The following FAM163A variants were observed in gnomAD, a reference collection of about 807,000 sequenced individuals.
FAM163A encodes protein FAM163A.
Under a neutral mutation model 12.0 loss-of-function variants are expected in FAM163A, and 7 were observed. The observed-to-expected ratio is 0.58, with a 90% CI of 0.33 to 1.10. The LOEUF is 1.10. Among genes scored for constraint, FAM163A ranks in the 50% least tolerant of loss-of-function variants. The pLI is 0.03. For synonymous variants in FAM163A, 101 were observed against 91.0 expected (o/e 1.11, Z -0.62); for missense variants, 202 against 218.6 (o/e 0.92, Z 0.48).
At chr1:179,744,808 G>C (rs1008369515) in intron 1 of FAM163A, among the ~76,000 whole-genome samples, 1 of 152,206 alleles carries the variant, frequency 6.6e-6, no homozygotes, top group Non-Finnish European at 1.5e-5. Context: ...CGACGTCTGC[G>C]CAGTTGCGTC....
At chr1:179,785,909 A>G (rs1690551463) in intron 1 of FAM163A, among the ~76,000 whole-genome samples, 1 of 152,152 alleles carries the variant, frequency 6.6e-6, no homozygotes, top group African/African-American at 2.4e-5. Context: ...TTCCCTTCAT[A>G]TATAATGCTG....
At chr1:179,772,336 C>T (rs1688390178) in intron 1 of FAM163A, among the ~76,000 whole-genome samples, 1 of 152,190 alleles carries the variant, frequency 6.6e-6, no homozygotes, top group Non-Finnish European at 1.5e-5. Context: ...TTAGGTCTTA[C>T]TGTGCTGGCA....
chr1:179,809,672 C>T (rs1694433872), intron 2 of FAM163A, among the ~76,000 whole-genome samples: 1 of 152,132 alleles, frequency 6.6e-6, no homozygotes, highest in East Asian at 1.9e-4. Flanking sequence ...TTCCCTGTCT[C>T]CTAAAATAGG....
At chr1:179,794,666 T>A (rs1198416060) in intron 1 of FAM163A, among the ~76,000 whole-genome samples, 1 of 152,198 alleles carries the variant, frequency 6.6e-6, no homozygotes, top group Non-Finnish European at 1.5e-5. Flanking sequence ...ATTTAACAAA[T>A]GTGAGTATGC....
intron 2 of FAM163A, among the ~76,000 whole-genome samples, chr1:179,811,770 A>T (rs1694735837): frequency 6.6e-6 from 1 of 152,178 alleles, no homozygotes; most frequent in Non-Finnish European, 1.5e-5. Flanking sequence ...TTTGAGTAAT[A>T]AACAATTTGC....
chr1:179,774,910 C>A (rs1172917643), intron 1 of FAM163A, among the ~76,000 whole-genome samples: 1 of 152,140 alleles, frequency 6.6e-6, no homozygotes, highest in African/African-American at 2.4e-5. Context: ...ATAGTGTTAC[C>A]GGTAGCAGGT....
chr1:179,783,493 C>A (rs1433664857), intron 1 of FAM163A, among the ~76,000 whole-genome samples: 1 of 151,896 alleles, frequency 6.6e-6, no homozygotes, highest in Non-Finnish European at 1.5e-5. Context: ...AGCTGATCAA[C>A]ACCTTTTTTT....
At chr1:179,791,924 C>A (rs1432261634) in intron 1 of FAM163A, among the ~76,000 whole-genome samples, 1 of 152,118 alleles carries the variant, frequency 6.6e-6, no homozygotes, top group Admixed American at 6.5e-5. Context: ...CTGCTAGCAG[C>A]GGTCCTTTAT....
chr1:179,792,328 G>GTGT (rs1691634879), intron 1 of FAM163A, among the ~76,000 whole-genome samples: 2 of 110,446 alleles, frequency 1.8e-5, no homozygotes, highest in South Asian at 3.2e-4. Context: ...TGTGTGTGTG[G>GTGT]AGATTGGGTC....
intron 1 of FAM163A, among the ~76,000 whole-genome samples, chr1:179,783,837 A>T (rs1247332895): frequency 8.6e-6 from 1 of 116,926 alleles, no homozygotes; most frequent in Non-Finnish European, 1.9e-5. Context: ...TATATATATA[A>T]ATTGTATAAT....
chr1:179,801,350 C>CA (rs1359743380), intron 1 of FAM163A, among the ~76,000 whole-genome samples: 1 of 152,048 alleles, frequency 6.6e-6, no homozygotes, highest in East Asian at 1.9e-4. Flanking sequence ...CTGATCTGAC[C>CA]ACCACCCCAT....
At chr1:179,749,123 C>T (rs913607345) in intron 1 of FAM163A, among the ~76,000 whole-genome samples, 6 of 152,176 alleles carry the variant, frequency 3.9e-5, no homozygotes, top group Admixed American at 3.9e-4. Context: ...GATGAGGATT[C>T]GAGTTCTGCC....
intron 1 of FAM163A, among the ~76,000 whole-genome samples, chr1:179,743,667 C>T (rs866901639): frequency 5.4e-4 from 82 of 152,292 alleles, no homozygotes; most frequent in African/African-American, 1.9e-3. Context: ...CCTCTCCGCG[C>T]CAGGGGCCTC....
chr1:179,797,141 T>C (rs756711191), intron 1 of FAM163A, among the ~76,000 whole-genome samples: 13 of 152,194 alleles, frequency 8.5e-5, no homozygotes, highest in South Asian at 2.1e-4. Flanking sequence ...AGTCAGAGTG[T>C]GTTTCTCAGA....
intron 1 of FAM163A, among the ~76,000 whole-genome samples, chr1:179,783,315 C>T (rs769480627): frequency 2.6e-5 from 4 of 152,182 alleles, no homozygotes; most frequent in Non-Finnish European, 4.4e-5. Flanking sequence ...TAATAACTAA[C>T]ATTTATTGGG....
intron 2 of FAM163A, among the ~76,000 whole-genome samples, chr1:179,809,106 C>CA (rs35163204): frequency 4.0e-5 from 6 of 151,172 alleles, no homozygotes; most frequent in African/African-American, 1.5e-4. Flanking sequence ...GACCCTGTCT[C>CA]AAAAAAAAAT....
At chr1:179,746,906 C>A (rs1037323832) in intron 1 of FAM163A, among the ~76,000 whole-genome samples, 2 of 152,134 alleles carry the variant, frequency 1.3e-5, no homozygotes, top group Admixed American at 1.3e-4. Flanking sequence ...GGAGAGGTGT[C>A]TTTGGACAGC....
chr1:179,769,502 G>A (rs1202511836), intron 1 of FAM163A, among the ~76,000 whole-genome samples: 1 of 152,200 alleles, frequency 6.6e-6, no homozygotes, highest in Non-Finnish European at 1.5e-5. Context: ...GGTCACACCT[G>A]CCTCCCACTC....
intron 1 of FAM163A, among the ~76,000 whole-genome samples, chr1:179,797,643 T>G (rs1014593971): frequency 6.6e-6 from 1 of 152,170 alleles, no homozygotes; most frequent in African/African-American, 2.4e-5. Context: ...GATTTAGCCA[T>G]TCTACAATGT....
Sources: gnomAD v4.1 joint callset for allele counts (sites outside exome capture counted in the v4.1 genomes callset) on GRCh38, gnomAD v4.1.1 for gene constraint, MANE v1.5 for transcripts, NCBI Gene and HGNC (gene_info 2026-07-23, HGNC 2026-07-21) for gene names.